PCDH9: variants seen among roughly 807,000 people sequenced by gnomAD.
The protein encoded by PCDH9 is protocadherin-9.
In PCDH9, 24 loss-of-function variants were observed where a neutral mutation model predicts 70.6. The observed-to-expected ratio is 0.34, with a 90% CI of 0.25 to 0.48. The LOEUF (loss-of-function observed/expected upper bound fraction) is 0.48. Ranked by LOEUF, PCDH9 falls within the 20% of genes least tolerant of loss-of-function variation. PCDH9 has a pLI of 0.99. For missense variants in PCDH9, 1,281 were observed against 1,503.6 expected (o/e 0.85, Z 2.45); for synonymous variants, 562 against 558.5 (o/e 1.01, Z -0.09).
chr13:67,046,924 G>A (rs1477094084), intron 2 of PCDH9, among the ~76,000 whole-genome samples: 3 of 152,232 alleles, frequency 2.0e-5, no homozygotes, highest in East Asian at 1.9e-4. Context: ...TCACATATGA[G>A]AGTTAGGCTC....
At chr13:66,350,122 A>G (rs568101246) in intron 4 of PCDH9, among the ~76,000 whole-genome samples, 21 of 152,244 alleles carry the variant, frequency 1.4e-4, no homozygotes, top group African/African-American at 4.8e-4. Context: ...GTTCTGACCT[A>G]GCTCTGACCT....
chr13:67,100,048 G>A (rs1414012088), intron 2 of PCDH9, among the ~76,000 whole-genome samples: 1 of 152,150 alleles, frequency 6.6e-6, no homozygotes, highest in African/African-American at 2.4e-5. Context: ...CATTAGAGTA[G>A]ACATGTCACT....
intron 4 of PCDH9, among the ~76,000 whole-genome samples, chr13:66,593,075 A>G (rs2077057216): frequency 6.6e-6 from 1 of 151,694 alleles, no homozygotes; most frequent in Non-Finnish European, 1.5e-5. Context: ...GAATCCTTAA[A>G]TCTCTATCAA....
intron 2 of PCDH9, among the ~76,000 whole-genome samples, chr13:66,973,131 T>C (rs926605095): frequency 6.6e-6 from 1 of 151,972 alleles, no homozygotes; most frequent in African/African-American, 2.4e-5. Flanking sequence ...TGAATTGTAG[T>C]ATCACTGGGA....
chr13:66,899,904 A>G (rs896235472), intron 3 of PCDH9, among the ~76,000 whole-genome samples: 1 of 151,978 alleles, frequency 6.6e-6, no homozygotes, highest in Non-Finnish European at 1.5e-5. Flanking sequence ...AACTTCAAGT[A>G]TAAACTATTT....
chr13:66,516,810 A>G (rs1959758914), intron 4 of PCDH9, among the ~76,000 whole-genome samples: 2 of 151,912 alleles, frequency 1.3e-5, no homozygotes, highest in South Asian at 2.1e-4. Context: ...AACATAATCA[A>G]ATTTGTCCTC....
chr13:66,885,683 G>A (rs574818671), intron 3 of PCDH9, among the ~76,000 whole-genome samples: 1 of 152,072 alleles, frequency 6.6e-6, no homozygotes, highest in East Asian at 1.9e-4. Context: ...TTTAATAAAG[G>A]CCTTTTAGTC....
At chr13:66,387,791 T>A (rs535330778) in intron 4 of PCDH9, among the ~76,000 whole-genome samples, 9 of 152,262 alleles carry the variant, frequency 5.9e-5, no homozygotes, top group Non-Finnish European at 1.0e-4. Flanking sequence ...GACAAAAACA[T>A]TTTTACTGCA....
intron 4 of PCDH9, among the ~76,000 whole-genome samples, chr13:66,587,631 C>T (rs2076980732): frequency 6.6e-6 from 1 of 151,876 alleles, no homozygotes; most frequent in African/African-American, 2.4e-5. Flanking sequence ...TGGCCTAGTG[C>T]TATGTGAAAG....
rs576002426 is a variant in PCDH9 at position 66,359,512 on chromosome 13, TAGAA to T, written c.3341-54488_3341-54485del. ...ATTCAGAATGTTCCTAAAAATAAAA[TAGAA>T]AGCCCTCAGGAGCCCTTTCAGAACA... On this transcript the variant is annotated intron_variant, in intron 4 of 4. Coordinates refer to ENST00000377865, the MANE Select transcript of PCDH9 (RefSeq NM_203487.3). 6.6e-3 allele frequency among the ~76,000 whole-genome samples: 1,004 copies of T among 152,032 alleles called. 4 individuals carry two copies. Among genetic ancestry groups the T allele is most frequent in the Non-Finnish European group, 0.011 (714 of 67,894 alleles).
At chr13:66,403,623 C>A (rs2138301451) in intron 4 of PCDH9, among the ~76,000 whole-genome samples, 1 of 152,128 alleles carries the variant, frequency 6.6e-6, no homozygotes, top group East Asian at 1.9e-4. Flanking sequence ...ATGTGGGTTA[C>A]ATCTATCAAT....
intron 4 of PCDH9, among the ~76,000 whole-genome samples, chr13:66,610,734 T>C (rs1223970314): frequency 6.6e-6 from 1 of 152,320 alleles, no homozygotes; most frequent in East Asian, 1.9e-4. Context: ...CTCTTCTGAA[T>C]GAAGCACCTT....
chr13:66,765,305 T>TA (rs1364117393), intron 3 of PCDH9, among the ~76,000 whole-genome samples: 2 of 151,974 alleles, frequency 1.3e-5, no homozygotes. Flanking sequence ...TATTACATAT[T>TA]AATAAAGATC....
At chr13:66,607,853 AATT>A (rs2077240868) in intron 4 of PCDH9, among the ~76,000 whole-genome samples, 1 of 152,124 alleles carries the variant, frequency 6.6e-6, no homozygotes, top group African/African-American at 2.4e-5. Context: ...TAATTTATCT[AATT>A]ATTATGTGAC....
intron 2 of PCDH9, among the ~76,000 whole-genome samples, chr13:67,189,222 G>T (rs182637605): frequency 1.3e-5 from 2 of 151,902 alleles, no homozygotes; most frequent in Admixed American, 1.3e-4. Context: ...GTGTGTGTGT[G>T]TGTGTATCTC....
At chr13:66,561,880 C>T (rs1962060345) in intron 4 of PCDH9, among the ~76,000 whole-genome samples, 1 of 152,094 alleles carries the variant, frequency 6.6e-6, no homozygotes, top group African/African-American at 2.4e-5. Flanking sequence ...TCCTCTTCCA[C>T]ACTGTGGAAG....
At chr13:67,139,247 C>T (rs935748776) in intron 2 of PCDH9, among the ~76,000 whole-genome samples, 4 of 152,148 alleles carry the variant, frequency 2.6e-5, no homozygotes, top group Non-Finnish European at 5.9e-5. Flanking sequence ...ATCAAATTTG[C>T]TTCATTAAAA....
chr13:66,576,343 CAT>C (rs1169711942), intron 4 of PCDH9, among the ~76,000 whole-genome samples: 1 of 151,896 alleles, frequency 6.6e-6, no homozygotes, highest in Non-Finnish European at 1.5e-5. Context: ...GCTATGTGTA[CAT>C]ATATATTTTT....
intron 4 of PCDH9, among the ~76,000 whole-genome samples, chr13:66,334,738 AT>A (rs1455003967): frequency 1.3e-5 from 2 of 152,032 alleles, no homozygotes; most frequent in Non-Finnish European, 2.9e-5. Context: ...TTTCATGCTT[AT>A]TGGTGGAATA....
Sources: gnomAD v4.1 joint callset for allele counts (sites outside exome capture counted in the v4.1 genomes callset) on GRCh38, gnomAD v4.1.1 for gene constraint, MANE v1.5 for transcripts, NCBI Gene and HGNC (gene_info 2026-07-23, HGNC 2026-07-21) for gene names.